Variants in OTUD7A observed in about 807,000 individuals in gnomAD.
OTUD7A encodes OTU domain-containing protein 7A.
A neutral mutation model predicts 65.7 loss-of-function variants in OTUD7A; 12 were observed. That is an observed-to-expected ratio of 0.18 (90% CI 0.12 to 0.30). The LOEUF is 0.30. Ranked by LOEUF, OTUD7A falls within the 10% of genes least tolerant of loss-of-function variation. The pLI is 1.00. For missense variants in OTUD7A, 1,148 were observed against 1,304.8 expected (o/e 0.88, Z 1.85); for synonymous variants, 641 against 586.3 (o/e 1.09, Z -1.35).
rs150570985 is a variant in OTUD7A, at chr15:31,652,402, A to G, written c.151+2694T>C. On this transcript the variant is annotated intron_variant, in intron 3 of 12. Transcript: ENST00000307050. ...GTATAAAACTTTTAAAAGACCAACT[A>G]CAAGAAAATCTTCATGACCTGGAGT... is the stretch of plus-strand genomic sequence containing the variant. Among the ~76,000 whole-genome samples the G allele has an allele frequency of 4.1e-3, 624 of 152,346 alleles. 2 individuals are homozygous for G. Among genetic ancestry groups the G allele is most frequent in the Non-Finnish European group, 5.9e-3 (400 of 68,034 alleles).
chr15:31,671,027 G>C (rs1425667664), intron 1 of OTUD7A, among the ~76,000 whole-genome samples: 1 of 152,114 alleles, frequency 6.6e-6, no homozygotes, highest in Non-Finnish European at 1.5e-5. Flanking sequence ...CATTCTGTAG[G>C]CTGTCTGTTC....
chr15:31,511,068 T>TATATGTATATATGTAACATAC lies in OTUD7A; in HGVS notation c.894-7251_894-7250insGTATGTTACATATATACATAT. ...TGTATATCTATATGTAACATACATA[T>TATATGTATATATGTAACATAC]ATATGTATATCTATATGTAACATAC... On this transcript the variant is annotated intron_variant, in intron 8 of 12. Transcript: ENST00000307050. Among the ~76,000 whole-genome samples the TATATGTATATATGTAACATAC allele has an allele frequency of 2.9e-5, 2 of 69,286 alleles. 1 individual carries two copies. The highest frequency in any genetic ancestry group is 1.2e-4 in the African/African-American group (2 of 16,044). The allele number at this position is 69,286 out of a possible 152,430, so 45.5% of individuals were successfully genotyped here.
intron 8 of OTUD7A, among the ~76,000 whole-genome samples, chr15:31,511,885 G>A (rs2041757298): frequency 6.6e-6 from 1 of 151,056 alleles, no homozygotes; most frequent in African/African-American, 2.4e-5. Flanking sequence ...TTTTTACCTT[G>A]AGGCTTAACC....
intron 4 of OTUD7A, among the ~76,000 whole-genome samples, chr15:31,560,816 T>C (rs1324345609): frequency 5.3e-5 from 8 of 152,338 alleles, no homozygotes; most frequent in Non-Finnish European, 1.0e-4. Flanking sequence ...GCTCCTGCAA[T>C]GCCCCTCTGA....
chr15:31,599,060 G>T (rs989382878), intron 3 of OTUD7A, among the ~76,000 whole-genome samples: 5 of 152,226 alleles, frequency 3.3e-5, no homozygotes, highest in African/African-American at 9.6e-5. Context: ...CCTGGGGGAA[G>T]GGGTGGCTGT....
At chr15:31,676,666 A>G (rs1344842190) in intron 1 of OTUD7A, among the ~76,000 whole-genome samples, 1 of 152,136 alleles carries the variant, frequency 6.6e-6, no homozygotes, top group Non-Finnish European at 1.5e-5. Flanking sequence ...CTGGCTCCCA[A>G]CTCTGTCTTG....
chr15:31,572,870 A>G (rs1889093380), intron 3 of OTUD7A, among the ~76,000 whole-genome samples: 1 of 152,198 alleles, frequency 6.6e-6, no homozygotes, highest in African/African-American at 2.4e-5. Context: ...GGGTTAAAGA[A>G]AAATGTTAGA....
intron 8 of OTUD7A, among the ~76,000 whole-genome samples, chr15:31,513,844 A>T (rs1309075603): frequency 6.6e-6 from 1 of 152,178 alleles, no homozygotes; most frequent in Non-Finnish European, 1.5e-5. Context: ...AACCTATGCA[A>T]ATACTCCATT....
At chr15:31,631,712 A>G (rs1291331014) in intron 3 of OTUD7A, among the ~76,000 whole-genome samples, 2 of 152,172 alleles carry the variant, frequency 1.3e-5, no homozygotes, top group Non-Finnish European at 2.9e-5. Flanking sequence ...TCTCCCCATC[A>G]CTTTCAGGTA....
intron 1 of OTUD7A, among the ~76,000 whole-genome samples, chr15:31,722,224 TTGGTA>T (rs1893759228): frequency 6.6e-6 from 1 of 152,110 alleles, no homozygotes; most frequent in African/African-American, 2.4e-5. Flanking sequence ...TGAGCTCTGA[TTGGTA>T]TGGACACAGT....
chr15:31,717,290 T>C (rs1243894969), intron 1 of OTUD7A, among the ~76,000 whole-genome samples: 3 of 152,148 alleles, frequency 2.0e-5, no homozygotes, highest in Non-Finnish European at 4.4e-5. Flanking sequence ...GTGCAGAAGG[T>C]GCAGGTTTGT....
chr15:31,766,522 C>T, intron 1 of OTUD7A: 1 of 1,612,916 alleles, frequency 6.2e-7, no homozygotes, highest in Admixed American at 1.7e-5. Flanking sequence ...CTAGACTCTC[C>T]AAGTTCACTT....
intron 1 of OTUD7A, among the ~76,000 whole-genome samples, chr15:31,858,848 C>A (rs1736793106): frequency 6.6e-6 from 1 of 152,170 alleles, no homozygotes; most frequent in African/African-American, 2.4e-5. Context: ...GTGGAGCCCA[C>A]CAGACCAACT....
intron 10 of OTUD7A, among the ~76,000 whole-genome samples, chr15:31,500,856 A>C (rs143454013): frequency 3.3e-4 from 51 of 152,298 alleles, no homozygotes; most frequent in African/African-American, 1.2e-3. Flanking sequence ...CCCCTGGGGG[A>C]GTGAGTCTCT....
Position 31,481,501 on chromosome 15 carries a change from G to C in OTUD7A, c.*1793C>G, listed in dbSNP as rs2141055559. ...AGTAATATTAGGGACATGGATGTTA[G>C]TACAGTAATTACCACACATTGAAAA... On this transcript the variant is annotated 3_prime_UTR_variant, in exon 13 of 13. Transcript: ENST00000307050. The C allele has an allele frequency of 6.6e-6, 1 of 152,300 alleles. No homozygotes were observed. Among genetic ancestry groups the C allele is most frequent in the Non-Finnish European group, 1.5e-5 (1 of 68,038 alleles). The allele number at this position is 152,300 out of a possible 1,614,324, so 9.4% of individuals were successfully genotyped here. A position where few individuals can be genotyped will look rare whatever the true frequency, so the allele number is the denominator to read the frequency against.
intron 4 of OTUD7A, among the ~76,000 whole-genome samples, chr15:31,563,512 G>A (rs1193804900): frequency 6.6e-6 from 1 of 152,232 alleles, no homozygotes. Context: ...CCGACAGAGA[G>A]GGCCTGGGGT....
chr15:31,565,572 G>C (rs567084122), intron 4 of OTUD7A, among the ~76,000 whole-genome samples: 14 of 152,072 alleles, frequency 9.2e-5, no homozygotes, highest in Non-Finnish European at 1.8e-4. Flanking sequence ...ATAATTTTAA[G>C]GTTTAGATGG....
chr15:31,483,274 CCCGCG>C lies in OTUD7A; in HGVS notation c.*15_*19del, dbSNP rs532935489. 7.1e-5 allele frequency: 77 copies of C among 1,085,606 alleles called. No homozygotes were observed. The highest frequency in any genetic ancestry group is 4.0e-4 in the Middle Eastern group (1 of 2,480). 67.2% of individuals were successfully genotyped at this position (1,085,606 alleles called of 1,614,324 possible). A position where few individuals can be genotyped will look rare whatever the true frequency, so the allele number is the denominator to read the frequency against. ...AATCCTCGAAGGTAGAACCTCGCCG[CCCGCG>C]CCGCGCCGCGCCGCTCAGGGCCGGG... On this transcript the variant is annotated 3_prime_UTR_variant, in exon 13 of 13. Coordinates refer to ENST00000307050, the MANE Select transcript of OTUD7A (RefSeq NM_001382637.1).
At chr15:31,544,417 G>A (rs1888071984) in intron 5 of OTUD7A, among the ~76,000 whole-genome samples, 1 of 151,474 alleles carries the variant, frequency 6.6e-6, no homozygotes, top group African/African-American at 2.4e-5. Context: ...AGGTATAGAG[G>A]GAAGGGAAAG....
Sources: allele counts gnomAD v4.1 joint callset (sites outside exome capture counted in the v4.1 genomes callset), GRCh38; gene constraint gnomAD v4.1.1; transcripts MANE v1.5; gene names NCBI Gene and HGNC (gene_info 2026-07-23, HGNC 2026-07-21).